Variants in CFAP95 observed in about 807,000 individuals in gnomAD.
The protein encoded by CFAP95 is cilia and flagella associated protein 95.
At chr9:69,894,308 A>G in the CFAP95 span, among the ~76,000 whole-genome samples, 2 of 152,200 alleles carry the variant, frequency 1.3e-5, no homozygotes, top group Admixed American at 6.5e-5. Context: ...TTTTGCTCAT[A>G]TAACTCCATA....
chr9:69,886,760 T>A, the CFAP95 span: 1 of 1,013,384 alleles, frequency 9.9e-7, no homozygotes. Flanking sequence ...TTATTTCATG[T>A]AAAGTGTATA....
chr9:69,848,937 A>T, the CFAP95 span, among the ~76,000 whole-genome samples: 1 of 152,182 alleles, frequency 6.6e-6, no homozygotes, highest in Non-Finnish European at 1.5e-5. Flanking sequence ...AGAAAGAACT[A>T]GTCCTCTAAA....
At chr9:69,879,496 C>T in the CFAP95 span, among the ~76,000 whole-genome samples, 52 of 152,138 alleles carry the variant, frequency 3.4e-4, 1 homozygote, top group African/African-American at 1.1e-3. Context: ...AAAAGCTATA[C>T]GTATTTATGA....
At chr9:69,860,329 T>C in the CFAP95 span, among the ~76,000 whole-genome samples, 1 of 151,860 alleles carries the variant, frequency 6.6e-6, no homozygotes, top group African/African-American at 2.4e-5. Flanking sequence ...ATGGCAACAG[T>C]GGGAGCAAGA....
At chr9:69,832,620 A>ATTTTTTTTTTTTTTTTTTTTTTTTTT in the CFAP95 span, among the ~76,000 whole-genome samples, 27 of 11,354 alleles carry the variant, frequency 2.4e-3, 3 homozygotes, top group South Asian at 0.035. Flanking sequence ...GTCTATTCGG[A>ATTTTTTTTTTTTTTTTTTTTTTTTTT]TTTTTTTTTT....
chr9:69,900,640 T>A, the CFAP95 span, among the ~76,000 whole-genome samples: 1 of 152,222 alleles, frequency 6.6e-6, no homozygotes, highest in Non-Finnish European at 1.5e-5. Flanking sequence ...GTGACTCTTA[T>A]GCAGCCCCAG....
the CFAP95 span, among the ~76,000 whole-genome samples, chr9:69,885,959 A>G: frequency 6.6e-6 from 1 of 152,218 alleles, no homozygotes; most frequent in South Asian, 2.1e-4. Context: ...ACATGAGGTC[A>G]ACTGCAGTCC....
the CFAP95 span, among the ~76,000 whole-genome samples, chr9:69,869,599 A>G: frequency 2.0e-5 from 3 of 152,302 alleles, no homozygotes; most frequent in East Asian, 5.8e-4. Flanking sequence ...GTAGGTCTGA[A>G]TTGTTCTTAT....
the CFAP95 span, among the ~76,000 whole-genome samples, chr9:69,892,722 G>C: frequency 6.6e-6 from 1 of 152,270 alleles, no homozygotes; most frequent in East Asian, 1.9e-4. Flanking sequence ...GGCCTCACCA[G>C]CAGAGCAGCA....
chr9:69,852,159 G>GTA, the CFAP95 span, among the ~76,000 whole-genome samples: 2 of 148,340 alleles, frequency 1.3e-5, no homozygotes, highest in Non-Finnish European at 3.0e-5. Flanking sequence ...TCAAGCCTTT[G>GTA]TATATATTTT....
the CFAP95 span, among the ~76,000 whole-genome samples, chr9:69,831,135 T>C: frequency 0.27 from 40,613 of 152,032 alleles, 6,305 homozygotes; most frequent in South Asian, 0.33. Context: ...ATATGTTTAT[T>C]TGGTAAGCTA....
At chr9:69,860,458 C>T in the CFAP95 span, among the ~76,000 whole-genome samples, 1 of 152,182 alleles carries the variant, frequency 6.6e-6, no homozygotes, top group Non-Finnish European at 1.5e-5. Context: ...AAACACCTCT[C>T]ATCGGACCCC....
chr9:69,869,935 G>C, the CFAP95 span, among the ~76,000 whole-genome samples: 5 of 152,100 alleles, frequency 3.3e-5, no homozygotes, highest in Non-Finnish European at 7.4e-5. Context: ...TTAAAATGAA[G>C]TCTTCAGTTG....
the CFAP95 span, among the ~76,000 whole-genome samples, chr9:69,903,238 A>G: frequency 6.6e-6 from 1 of 152,222 alleles, no homozygotes; most frequent in African/African-American, 2.4e-5. Context: ...GTGGAAAAAG[A>G]ACTTCTTTCA....
chr9:69,835,959 G>C, the CFAP95 span, among the ~76,000 whole-genome samples: 42 of 152,260 alleles, frequency 2.8e-4, no homozygotes, highest in African/African-American at 9.6e-4. Flanking sequence ...GGGCCCTCTG[G>C]CTTGGGGCAG....
chr9:69,860,611 T>C, the CFAP95 span, among the ~76,000 whole-genome samples: 1 of 151,844 alleles, frequency 6.6e-6, no homozygotes, highest in Non-Finnish European at 1.5e-5. Context: ...TTTCTTTTTT[T>C]TTTTTTTTAA....
chr9:69,868,421 G>A, the CFAP95 span, among the ~76,000 whole-genome samples: 1 of 152,090 alleles, frequency 6.6e-6, no homozygotes, highest in East Asian at 1.9e-4. Flanking sequence ...ACTTTGGGAG[G>A]CCAAGGGCAG....
chr9:69,880,956 T>G, the CFAP95 span, among the ~76,000 whole-genome samples: 1 of 152,230 alleles, frequency 6.6e-6, no homozygotes, highest in Non-Finnish European at 1.5e-5. Flanking sequence ...CTTGTATGTC[T>G]TCTTTTGAGA....
the CFAP95 span, among the ~76,000 whole-genome samples, chr9:69,822,820 C>T: frequency 1.2e-4 from 19 of 152,212 alleles, no homozygotes; most frequent in Non-Finnish European, 1.5e-5. Flanking sequence ...AGCGGGACCT[C>T]ATGCGTTGGT....
Sources: gnomAD v4.1 joint callset for allele counts (sites outside exome capture counted in the v4.1 genomes callset) on GRCh38, gnomAD v4.1.1 for gene constraint, MANE v1.5 for transcripts, NCBI Gene and HGNC (gene_info 2026-07-23, HGNC 2026-07-21) for gene names.